Variants in PASD1 observed in about 807,000 individuals in gnomAD.
The protein encoded by PASD1 is PAS domain containing repressor 1.
Under a neutral mutation model 58.8 loss-of-function variants are expected in PASD1, and 13 were observed. The observed-to-expected ratio is 0.22, with a 90% CI of 0.14 to 0.35. PASD1 has a LOEUF of 0.35. Among genes scored for constraint, PASD1 ranks in the 10% least tolerant of loss-of-function variants. The pLI is 1.00. For missense variants in PASD1, 734 were observed against 568.3 expected (o/e 1.29, Z -2.96); for synonymous variants, 236 against 216.7 (o/e 1.09, Z -0.78).
intron 12 of PASD1, 129 bp downstream of exon 12, chrX:151,671,325 C>A: frequency 1.2e-6 from 1 of 816,128 alleles, no homozygotes; most frequent in Non-Finnish European, 1.8e-6. Context: ...ACAGCTGCTG[C>A]CCACAGGGTG....
At chrX:151,598,605 G>A (rs776517041) in intron 1 of PASD1, among the ~76,000 whole-genome samples, 2 of 111,354 alleles carry the variant, frequency 1.8e-5, no homozygotes, top group East Asian at 5.6e-4. Context: ...TTCTCCTACT[G>A]TATGGCAAGT....
chrX:151,658,876 TA>T (rs753310487), intron 9 of PASD1, among the ~76,000 whole-genome samples: 68 of 112,503 alleles, frequency 6.0e-4, no homozygotes, highest in Non-Finnish European at 5.3e-4. Context: ...ATCCACAGAC[TA>T]TTCAAAAAGG....
intron 3 of PASD1, among the ~76,000 whole-genome samples, chrX:151,610,409 T>A (rs1022030115): frequency 9.0e-6 from 1 of 111,354 alleles, no homozygotes; most frequent in African/African-American, 3.3e-5. Context: ...ATCTCACGAG[T>A]CAGTTTTGAG....
At chrX:151,654,939 G>A (rs189885865) in intron 9 of PASD1, among the ~76,000 whole-genome samples, 7 of 110,192 alleles carry the variant, frequency 6.4e-5, no homozygotes, top group African/African-American at 2.3e-4. Context: ...ATGCCATGTT[G>A]GTGTGCTGCA....
chrX:151,610,933 G>A (rs914656150), intron 3 of PASD1, among the ~76,000 whole-genome samples: 9 of 86,698 alleles, frequency 1.0e-4, no homozygotes, highest in African/African-American at 3.5e-4. Context: ...TGTTGAAAGT[G>A]TCTCCCTTTT....
intron 4 of PASD1, among the ~76,000 whole-genome samples, chrX:151,618,938 C>T (rs2013671066): frequency 9.0e-6 from 1 of 111,239 alleles, no homozygotes; most frequent in South Asian, 3.8e-4. Context: ...GGCTTTTATT[C>T]AGAATGACTT....
intron 1 of PASD1, among the ~76,000 whole-genome samples, chrX:151,564,393 C>T (rs1481502663): frequency 9.0e-6 from 1 of 111,613 alleles, no homozygotes; most frequent in African/African-American, 3.3e-5. Context: ...GCAGTAGCGG[C>T]TTTTCAAAGG....
chrX:151,567,222 A>G (rs915235839), intron 1 of PASD1, among the ~76,000 whole-genome samples: 10 of 111,016 alleles, frequency 9.0e-5, no homozygotes, highest in Middle Eastern at 9.3e-3. Context: ...GCTGGACTGG[A>G]TTGTTTGGAG....
rs770823820 is a variant in PASD1, at chrX:151,674,219, G to A, written c.2175+33G>A. Reference sequence around the variant, plus strand: ...ACAGCCCCCTCCTTTTCCTTCCAGCGCAGGTCAAGAGGGATTCTGGGCCCC... The same window carrying A: ...ACAGCCCCCTCCTTTTCCTTCCAGCACAGGTCAAGAGGGATTCTGGGCCCC... On this transcript the variant is annotated intron_variant, in intron 15 of 15. Coordinates refer to ENST00000370357, the MANE Select transcript of PASD1 (RefSeq NM_173493.3). The A allele has an allele frequency of 1.1e-5, 13 of 1,204,834 alleles. No individual in the cohort carries two copies. In the African/African-American group the frequency reaches 1.4e-4, roughly 13 times the overall value.
chrX:151,581,587 AAATT>A (rs1403939300), intron 1 of PASD1, among the ~76,000 whole-genome samples: 1 of 111,175 alleles, frequency 9.0e-6, no homozygotes, highest in Non-Finnish European at 1.9e-5. Flanking sequence ...CCTGTCTCTA[AAATT>A]AATTAATTAA....
At chrX:151,658,516 C>T (rs1213005625) in intron 9 of PASD1, among the ~76,000 whole-genome samples, 2 of 112,020 alleles carry the variant, frequency 1.8e-5, no homozygotes, top group East Asian at 5.6e-4. Context: ...GTGATTAAAT[C>T]GATAGATGGC....
intron 8 of PASD1, among the ~76,000 whole-genome samples, chrX:151,646,834 A>G (rs766561962): frequency 2.1e-4 from 24 of 112,768 alleles, no homozygotes; most frequent in Non-Finnish European, 3.6e-4. Context: ...GCACATAGTA[A>G]TTGCTCTCCA....
intron 9 of PASD1, 80 bp from the exon 10 acceptor site, chrX:151,659,633 A>C: frequency 1.0e-6 from 1 of 985,776 alleles, no homozygotes; most frequent in Non-Finnish European, 1.4e-6. Context: ...AATGCATCAA[A>C]GTTTGTATTC....
intron 2 of PASD1, among the ~76,000 whole-genome samples, chrX:151,603,775 C>T (rs1161019778): frequency 1.8e-5 from 2 of 111,804 alleles, no homozygotes; most frequent in African/African-American, 3.2e-5. Context: ...TGGCCTCCCT[C>T]TTACCCAACT....
chrX:151,604,536 T>A, intron 2 of PASD1, 110 bp from the exon 3 acceptor site: 3 of 510,250 alleles, frequency 5.9e-6, no homozygotes, highest in Non-Finnish European at 9.8e-6. Context: ...CTCAGCATTT[T>A]CTCATAAGAG....
intron 4 of PASD1, 22 bp from the exon 5 acceptor site, chrX:151,620,905 ACCT>A: frequency 8.8e-7 from 1 of 1,138,494 alleles, no homozygotes; most frequent in Non-Finnish European, 1.2e-6. Context: ...TTTTCCCTCC[ACCT>A]CCTCCTCTCC....
At chrX:151,588,969 TC>T (rs1230136519) in intron 1 of PASD1, among the ~76,000 whole-genome samples, 3 of 111,307 alleles carry the variant, frequency 2.7e-5, no homozygotes, top group Non-Finnish European at 5.7e-5. Context: ...CAGTGAGCTT[TC>T]CCCACATCCC....
intron 2 of PASD1, among the ~76,000 whole-genome samples, chrX:151,601,864 G>A (rs755291284): frequency 4.5e-5 from 5 of 112,323 alleles, no homozygotes; most frequent in Non-Finnish European, 7.5e-5. Flanking sequence ...TGACTGACAA[G>A]TATACAGTCC....
At chrX:151,670,180 G>A (rs1488567547) in intron 11 of PASD1, among the ~76,000 whole-genome samples, 1 of 111,514 alleles carries the variant, frequency 9.0e-6, no homozygotes, top group Non-Finnish European at 1.9e-5. Flanking sequence ...CAAACTCCAC[G>A]CTTCGTTTCT....
Sources: allele counts gnomAD v4.1 joint callset (sites outside exome capture counted in the v4.1 genomes callset), GRCh38; gene constraint gnomAD v4.1.1; transcripts MANE v1.5; gene names NCBI Gene and HGNC (gene_info 2026-07-23, HGNC 2026-07-21).